The following LSS variants were observed in gnomAD, a reference collection of about 807,000 sequenced individuals.
LSS encodes the protein 2,3-epoxysqualene-lanosterol cyclase.
Under a neutral mutation model 110.3 loss-of-function variants are expected in LSS, and 90 were observed. The ratio of observed to expected loss-of-function variants is 0.82; its 90% CI spans 0.69 to 0.97. LSS has a LOEUF of 0.97. LSS is among the 50% of genes least tolerant of loss of function. The pLI, the probability that LSS is intolerant of heterozygous loss-of-function variation, is 0.00. For synonymous variants in LSS, 433 were observed against 400.0 expected (o/e 1.08, Z -0.98); for missense variants, 927 against 990.0 (o/e 0.94, Z 0.85).
chr21:46,220,334 G>T (rs1467600294), intron 5 of LSS: 2 of 152,296 alleles, frequency 1.3e-5, no homozygotes, highest in Non-Finnish European at 2.9e-5. Flanking sequence ...AGTGAACTGA[G>T]GACAATAGTG....
chr21:46,209,447 G>T lies in LSS; in HGVS notation c.1266+107C>A. On this transcript the variant is annotated intron_variant, in intron 13 of 21. Transcript: ENST00000397728. This position sits in a 1 kb window ranked among gnomAD's most constrained non-coding sequence, Gnocchi z 4.4. Reference sequence around the variant, plus strand: ...GGTGGGGGTGACCTGAAACACCAGTGCAGGAAATAGGGCAGGGTGGAGGTG... The same window carrying T: ...GGTGGGGGTGACCTGAAACACCAGTTCAGGAAATAGGGCAGGGTGGAGGTG... 1 of 1,006,388 alleles carries T rather than the reference G, an allele frequency of 9.9e-7. No homozygotes were observed. The highest frequency in any genetic ancestry group is 1.5e-6 in the Non-Finnish European group (1 of 686,030). The allele number at this position is 1,006,388 out of a possible 1,614,324, so 62.3% of individuals were successfully genotyped here.
rs1284302599 is a variant in LSS, at chr21:46,209,932, G to A, written c.1195-307C>T. On this transcript the variant is annotated intron_variant, in intron 12 of 21. Transcript: ENST00000397728. The surrounding 1 kb of genome is among the most constrained non-coding windows in gnomAD (Gnocchi z 4.4). ...CACCCTGTGTAGGCAGGCCCTTTGC[G>A]TGGCCCAGCCCTCAGGGCTCTCCAG... Among the ~76,000 whole-genome samples the A allele has an allele frequency of 1.3e-5, 2 of 152,158 alleles. No homozygotes were observed.
chr21:46,225,426 C>T lies in LSS; in HGVS notation c.319+2126G>A, dbSNP rs572742759. The T allele has an allele frequency of 8.5e-5, 38 of 449,424 alleles. No individual in the cohort carries two copies. In the East Asian group the frequency reaches 1.3e-3, roughly 15 times the overall value. The allele number at this position is 449,424 out of a possible 1,614,324, so 27.8% of individuals were successfully genotyped here. ...AGCGTCAGTGTCAAGGAAAAACACC[C>T]GCTACTTAGCATACCGGGAAAGGGA... is the stretch of plus-strand genomic sequence containing the variant. On this transcript the variant is annotated intron_variant, in intron 3 of 21. Coordinates refer to ENST00000397728, the MANE Select transcript of LSS (RefSeq NM_002340.6).
At chr21:46,221,430 T>C (rs1382690152) in intron 5 of LSS, among the ~76,000 whole-genome samples, 3 of 152,150 alleles carry the variant, frequency 2.0e-5, no homozygotes, top group Non-Finnish European at 4.4e-5. Flanking sequence ...AACCAGCTCA[T>C]TGCAACCCAG....
rs1435116042 is a variant in LSS, at chr21:46,195,654, C to T, written c.1817+22G>A. 3 of 1,609,752 alleles carry T rather than the reference C, an allele frequency of 1.9e-6. 1 individual carries two copies. In the South Asian group the frequency reaches 3.3e-5, roughly 18 times the overall value. On this transcript the variant is annotated intron_variant, in intron 19 of 21. Transcript: ENST00000397728. ...CATTGGGTTGAGAACCCCCACCCAC[C>T]AGAGGACAGGCACTCACTCACCCAT...
chr21:46,208,451 T>C (rs576821564), intron 13 of LSS, 150 bp from the exon 14 acceptor site: 2 of 733,832 alleles, frequency 2.7e-6, no homozygotes, highest in East Asian at 5.4e-5. Context: ...CCACTGGTGC[T>C]GCGAGGCGCG....
intron 12 of LSS, among the ~76,000 whole-genome samples, chr21:46,210,277 A>C (rs1426443268): frequency 1.3e-5 from 2 of 151,992 alleles, no homozygotes; most frequent in East Asian, 3.9e-4. Flanking sequence ...CATCTTGGCC[A>C]GGCTGGTCTT....
At chr21:46,191,294 C>T (rs2079811595) in intron 21 of LSS, 59 bp from the exon 22 acceptor site, 4 of 1,596,622 alleles carry the variant, frequency 2.5e-6, no homozygotes, top group East Asian at 2.2e-5. Flanking sequence ...GGGCTAGTCC[C>T]TGAACTGGAG....
At chr21:46,208,747 C>T (rs1242263302) in intron 13 of LSS, among the ~76,000 whole-genome samples, 5 of 152,220 alleles carry the variant, frequency 3.3e-5, no homozygotes, top group Non-Finnish European at 5.9e-5. Flanking sequence ...TCCCCAAGTC[C>T]CCATCACCCA....
chr21:46,190,862 C>T lies in LSS; in HGVS notation c.*242G>A. On this transcript the variant is annotated 3_prime_UTR_variant, in exon 22 of 22. Coordinates refer to ENST00000397728, the MANE Select transcript of LSS (RefSeq NM_002340.6). The surrounding 1 kb of genome is among the most constrained non-coding windows in gnomAD (Gnocchi z 4.6). ...TCCTCAGGGGTCACGGCTCCTGTGC[C>T]CCCTTCCTCACCCAAGCCCGACAAG... is the stretch of plus-strand genomic sequence containing the variant. The T allele has an allele frequency of 1.9e-6, 1 of 539,970 alleles. No individual in the cohort carries two copies. Among genetic ancestry groups the T allele is most frequent in the Non-Finnish European group, 3.3e-6 (1 of 303,684 alleles). The allele number at this position is 539,970 out of a possible 1,614,324, so 33.4% of individuals were successfully genotyped here. A position where few individuals can be genotyped will look rare whatever the true frequency, so the allele number is the denominator to read the frequency against.
Position 46,216,332 on chromosome 21 carries a change from A to G in LSS, c.783+57T>C. On this transcript the variant is annotated intron_variant, in intron 7 of 21. Coordinates refer to ENST00000397728, the MANE Select transcript of LSS (RefSeq NM_002340.6). This position sits in a 1 kb window ranked among gnomAD's most constrained non-coding sequence, Gnocchi z 4.2. ...GGTGTGGTTAGATTCCAGAAGCCCCAGGCCCTGTGGGTCCCAGCCCCAGAG... is the reference window on the plus strand; with the variant it reads ...GGTGTGGTTAGATTCCAGAAGCCCCGGGCCCTGTGGGTCCCAGCCCCAGAG... 1 of 1,609,638 alleles carries G rather than the reference A, an allele frequency of 6.2e-7. No homozygotes were observed.
chr21:46,221,909 A>G lies in LSS; in HGVS notation c.495T>C (p.Gly165=). ...ALNYVSLRIL[G]VGPDDPDLVR... ...CCAGGTCAGGATCGTCAGGCCCAAC[A>G]CCCAGAATTCTGAGAGACACATAGT... The change falls in exon 5 of 22, where the codon GGT becomes GGC. Residue 165 remains glycine (G), a synonymous_variant. Coordinates refer to ENST00000397728, the MANE Select transcript of LSS (RefSeq NM_002340.6). The G allele has an allele frequency of 1.9e-6, 3 of 1,614,152 alleles. No individual in the cohort carries two copies. The highest frequency in any genetic ancestry group is 2.5e-6 in the Non-Finnish European group (3 of 1,180,002).
intron 17 of LSS, among the ~76,000 whole-genome samples, chr21:46,198,488 A>G (rs1042794032): frequency 1.3e-5 from 2 of 152,236 alleles, no homozygotes; most frequent in African/African-American, 4.8e-5. Context: ...TGTAATCCCA[A>G]TCAAAGTCTC....
chr21:46,205,288 C>CGAGCAGGAGAGCAGGA (rs58934391), intron 17 of LSS, among the ~76,000 whole-genome samples: 1 of 151,420 alleles, frequency 6.6e-6, no homozygotes, highest in Non-Finnish European at 1.5e-5. Flanking sequence ...TGACTAACCG[C>CGAGCAGGAGAGCAGGA]GAGCAGGAGA....
At chr21:46,199,878 C>T (rs1405420800) in intron 17 of LSS, among the ~76,000 whole-genome samples, 1 of 152,152 alleles carries the variant, frequency 6.6e-6, no homozygotes, top group African/African-American at 2.4e-5. Flanking sequence ...ACGTGCATCA[C>T]ACATCTGTGA....
In LSS at chr21:46,189,044, C is replaced by A; in HGVS notation, c.*2060G>T. ...ACCAGGCTGGGCCTCCCACTCGCCC[C>A]ACAGGCAGGTGACGTATGACAGCCA... On this transcript the variant is annotated 3_prime_UTR_variant, in exon 22 of 22. Coordinates refer to ENST00000397728, the MANE Select transcript of LSS (RefSeq NM_002340.6). The A allele has an allele frequency of 3.4e-6, 1 of 295,280 alleles. No homozygotes were observed. The highest frequency in any genetic ancestry group is 3.2e-5 in the South Asian group (1 of 31,514). 18.3% of individuals were successfully genotyped at this position (295,280 alleles called of 1,614,324 possible). A position where few individuals can be genotyped will look rare whatever the true frequency, so the allele number is the denominator to read the frequency against.
rs890683660 is a variant in LSS, at chr21:46,193,130, C to A, written c.1989-1171G>T. 7.1e-6 allele frequency: 3 copies of A among 420,624 alleles called. No individual in the cohort carries two copies. In the East Asian group the frequency reaches 2.3e-4, roughly 33 times the overall value. The allele number at this position is 420,624 out of a possible 1,614,324, so 26.1% of individuals were successfully genotyped here. A position where few individuals can be genotyped will look rare whatever the true frequency, so the allele number is the denominator to read the frequency against. The stretch of plus-strand genomic sequence containing the variant: ...GTGTGTACACAGGTGCCTGTGCATG[C>A]ATACGTGTGTGCATAGACCTGTGTG... On this transcript the variant is annotated intron_variant, in intron 20 of 21. Coordinates refer to ENST00000397728, the MANE Select transcript of LSS (RefSeq NM_002340.6).
chr21:46,228,594 A>G lies in LSS; in HGVS notation c.20T>C (p.Leu7Pro). 6.3e-7 allele frequency: 1 copy of G among 1,591,620 alleles called. No individual in the cohort carries two copies. Among genetic ancestry groups the G allele is most frequent in the East Asian group, 2.3e-5 (1 of 44,286 alleles). MTEGTC[L>P]RRRGGPYKTE... ...CTTGTAGGGGCCCCCTCGGCGCCGC[A>G]GACACCTGAGGACCACCGGCCATCA... The change falls in exon 2 of 22, where the codon CTG (leucine) becomes CCG (proline). Residue 7 changes from leucine (L) to proline (P), a missense_variant. Leu to Pro is a moderately conservative substitution (Grantham distance 98). Coordinates refer to ENST00000397728, the MANE Select transcript of LSS (RefSeq NM_002340.6).
Position 46,189,143 on chromosome 21 carries a change from T to C in LSS, c.*1961A>G. ...GACAGGCTTCTGATAAGGGAATCAA[T>C]GTCTGTTTATTAAGGCAGATGCTCA... is the stretch of plus-strand genomic sequence containing the variant. On this transcript the variant is annotated 3_prime_UTR_variant, in exon 22 of 22. Coordinates refer to ENST00000397728, the MANE Select transcript of LSS (RefSeq NM_002340.6). The C allele has an allele frequency of 4.4e-6, 1 of 228,654 alleles. No homozygotes were observed. The highest frequency in any genetic ancestry group is 8.8e-6 in the Non-Finnish European group (1 of 113,124). The allele number at this position is 228,654 out of a possible 1,614,324, so 14.2% of individuals were successfully genotyped here.
Sources: allele counts gnomAD v4.1 joint callset (sites outside exome capture counted in the v4.1 genomes callset), GRCh38; gene constraint gnomAD v4.1.1; non-coding constraint Gnocchi (gnomAD v3.1); transcripts MANE v1.5; gene names NCBI Gene and HGNC (gene_info 2026-07-23, HGNC 2026-07-21).